EFCAB13: variants seen among roughly 807,000 people sequenced by gnomAD.
EFCAB13 encodes the protein EF-hand calcium binding domain 13, also known as EF-hand calcium-binding domain-containing protein 13.
In EFCAB13, 91 loss-of-function variants were observed where a neutral mutation model predicts 110.2. The observed-to-expected ratio is 0.83, with a 90% CI of 0.70 to 0.98. The LOEUF is 0.98. EFCAB13 is among the 50% of genes least tolerant of loss of function. EFCAB13 has a pLI of 0.00. For synonymous variants in EFCAB13, 323 were observed against 369.9 expected (o/e 0.87, Z 1.45); for missense variants, 968 against 1,119.4 (o/e 0.86, Z 1.93).
At chr17:47,399,291 C>G (rs1032285808) in intron 17 of EFCAB13, among the ~76,000 whole-genome samples, 2 of 152,210 alleles carry the variant, frequency 1.3e-5, no homozygotes, top group African/African-American at 4.8e-5. Context: ...CCTAAATATA[C>G]ACATGATATT....
At chr17:47,342,191 T>G (rs2065389572) in intron 6 of EFCAB13, among the ~76,000 whole-genome samples, 159 bp downstream of exon 6, 1 of 152,110 alleles carries the variant, frequency 6.6e-6, no homozygotes, top group African/African-American at 2.4e-5. Flanking sequence ...CTCCTTTTTC[T>G]TCTCCTTAAA....
At chr17:47,395,802 T>G in intron 16 of EFCAB13, 32 bp from the exon 17 acceptor site, 4 of 1,553,866 alleles carry the variant, frequency 2.6e-6, no homozygotes, top group Non-Finnish European at 3.5e-6. Flanking sequence ...TGCATAAGCA[T>G]TCGTAAAACT....
rs1045443615 is a variant in EFCAB13 at position 47,431,268 on chromosome 17, T to TA, written c.2638+1309dup. Among the ~76,000 whole-genome samples, 9 of 152,106 alleles carry TA rather than the reference T, an allele frequency of 5.9e-5. No individual in the cohort carries two copies. Among genetic ancestry groups the TA allele is most frequent in the Admixed American group, 4.6e-4 (7 of 15,270 alleles). On this transcript the variant is annotated intron_variant, in intron 24 of 24. Coordinates refer to ENST00000331493, the MANE Select transcript of EFCAB13 (RefSeq NM_152347.5). This position sits in a 1 kb window ranked among gnomAD's most constrained non-coding sequence, Gnocchi z 4.1. ...TTTTAATCTCCTTCCGCCTATATCC[T>TA]AACATCTATTTTTTCTTTGTTTTTT...
intron 10 of EFCAB13, among the ~76,000 whole-genome samples, chr17:47,362,042 T>G (rs932637643): frequency 6.6e-6 from 1 of 152,172 alleles, no homozygotes; most frequent in Non-Finnish European, 1.5e-5. Flanking sequence ...AGTGATTAAT[T>G]GATTGATTCA....
intron 23 of EFCAB13, among the ~76,000 whole-genome samples, chr17:47,421,652 AAG>A (rs1491015495): frequency 1.3e-3 from 203 of 151,340 alleles, no homozygotes; most frequent in South Asian, 4.6e-3. Flanking sequence ...AAAAAAAAAA[AAG>A]AAATGTTACC....
At chr17:47,420,097 G>A (rs1037611599) in intron 23 of EFCAB13, among the ~76,000 whole-genome samples, 8 of 152,200 alleles carry the variant, frequency 5.3e-5, no homozygotes, top group African/African-American at 1.9e-4. Context: ...GCAGGCGCAC[G>A]CCGCCACACC....
intron 16 of EFCAB13, among the ~76,000 whole-genome samples, chr17:47,394,615 CAT>C (rs1374118475): frequency 3.3e-5 from 5 of 152,254 alleles, no homozygotes; most frequent in Admixed American, 1.3e-4. Flanking sequence ...TGTAAGGTCA[CAT>C]GTGTATATTT....
chr17:47,353,499 T>C (rs1030020991), intron 9 of EFCAB13, among the ~76,000 whole-genome samples: 1 of 152,068 alleles, frequency 6.6e-6, no homozygotes, highest in Non-Finnish European at 1.5e-5. Context: ...TTTTACCATG[T>C]TGGCCAGGCT....
intron 23 of EFCAB13, chr17:47,423,405 G>A (rs1869729668): frequency 5.9e-6 from 1 of 170,822 alleles, no homozygotes; most frequent in African/African-American, 2.4e-5. Flanking sequence ...AAATAAAAAA[G>A]TTGAGGGGGC....
intron 5 of EFCAB13, among the ~76,000 whole-genome samples, chr17:47,338,098 A>G (rs1476636822): frequency 6.6e-6 from 1 of 152,106 alleles, no homozygotes; most frequent in Non-Finnish European, 1.5e-5. Context: ...AAGTCATGTA[A>G]TGGAGTGGAA....
At chr17:47,400,802 A>G (rs1005144878) in intron 17 of EFCAB13, among the ~76,000 whole-genome samples, 1 of 152,178 alleles carries the variant, frequency 6.6e-6, no homozygotes, top group African/African-American at 2.4e-5. Context: ...TGACTGAATT[A>G]CAGTACCCGT....
At chr17:47,426,646 A>G (rs1014302807) in intron 23 of EFCAB13, among the ~76,000 whole-genome samples, 6 of 152,200 alleles carry the variant, frequency 3.9e-5, no homozygotes, top group African/African-American at 1.4e-4. Context: ...TTCTATGGAA[A>G]TAAATTTTGT....
At chr17:47,337,625 G>T (rs2065358843) in intron 5 of EFCAB13, among the ~76,000 whole-genome samples, 1 of 152,084 alleles carries the variant, frequency 6.6e-6, no homozygotes, top group Admixed American at 6.5e-5. Flanking sequence ...GGAAACTGAG[G>T]CAAAATTAAT....
intron 23 of EFCAB13, among the ~76,000 whole-genome samples, chr17:47,427,280 T>C (rs920724477): frequency 6.6e-6 from 1 of 152,140 alleles, no homozygotes; most frequent in African/African-American, 2.4e-5. Context: ...AGAAGACAAT[T>C]GGCAAATAAC....
Position 47,398,127 on chromosome 17 carries a change from C to G in EFCAB13, c.1945+2150C>G, listed in dbSNP as rs567690403. ...GGAGGGAGGTGGGGGGGTCAGCCCCCCCCTGGCCAGCCACCCCGTCTGGGA... is the reference window on the plus strand; with the variant it reads ...GGAGGGAGGTGGGGGGGTCAGCCCCGCCCTGGCCAGCCACCCCGTCTGGGA... On this transcript the variant is annotated intron_variant, in intron 17 of 24. Coordinates refer to ENST00000331493, the MANE Select transcript of EFCAB13 (RefSeq NM_152347.5). Among the ~76,000 whole-genome samples, 1,393 of 146,986 alleles carry G rather than the reference C, an allele frequency of 9.5e-3. 39 individuals are homozygous for G. Among genetic ancestry groups the G allele is most frequent in the African/African-American group, 0.032 (1,271 of 39,918 alleles).
Position 47,361,367 on chromosome 17 carries a change from CT to C in EFCAB13, c.662-5del. On this transcript the variant is annotated splice_polypyrimidine_tract_variant and intron_variant, in intron 9 of 24. Coordinates refer to ENST00000331493, the MANE Select transcript of EFCAB13 (RefSeq NM_152347.5). ...GTTGATTCTCATGGTATAATAATTT[CT>C]TTTTTGCAGCATTCCAGGATGCCTT... 1.2e-6 allele frequency: 2 copies of C among 1,610,506 alleles called. No individual in the cohort carries two copies. The highest frequency in any genetic ancestry group is 1.1e-5 in the South Asian group (1 of 90,390).
At chr17:47,329,781 C>G (rs1567778263) in intron 4 of EFCAB13, 1 of 152,024 alleles carries the variant, frequency 6.6e-6, no homozygotes, top group Non-Finnish European at 1.5e-5. Flanking sequence ...ATTTCCTACC[C>G]CTTTTCCCCC....
At chr17:47,372,444 T>C (rs1266428672) in intron 11 of EFCAB13, among the ~76,000 whole-genome samples, 1 of 152,198 alleles carries the variant, frequency 6.6e-6, no homozygotes, top group East Asian at 1.9e-4. Flanking sequence ...ATTGTAGCTT[T>C]TATTATTTTT....
chr17:47,386,007 C>T (rs1256360461), intron 14 of EFCAB13, among the ~76,000 whole-genome samples: 1 of 152,132 alleles, frequency 6.6e-6, no homozygotes, highest in Non-Finnish European at 1.5e-5. Flanking sequence ...GAAGCTTTGT[C>T]CCAGAGGGGC....
Sources: gnomAD v4.1 joint callset for allele counts (sites outside exome capture counted in the v4.1 genomes callset) on GRCh38, gnomAD v4.1.1 for gene constraint, Gnocchi (gnomAD v3.1) non-coding constraint, MANE v1.5 for transcripts, NCBI Gene and HGNC (gene_info 2026-07-23, HGNC 2026-07-21) for gene names.